CRHBP: variants seen among roughly 807,000 people sequenced by gnomAD.
CRHBP encodes corticotropin-releasing hormone-binding protein.
Under a neutral mutation model 34.9 loss-of-function variants are expected in CRHBP, and 19 were observed. That is an observed-to-expected ratio of 0.55 (90% CI 0.38 to 0.80). The LOEUF is 0.80. Among genes scored for constraint, CRHBP ranks in the 30% least tolerant of loss-of-function variants. The pLI is 0.00. For synonymous variants in CRHBP, 154 were observed against 153.4 expected (o/e 1.00, Z -0.03); for missense variants, 328 against 409.2 (o/e 0.80, Z 1.71).
intron 3 of CRHBP, among the ~76,000 whole-genome samples, chr5:76,980,048 G>C (rs1403276195): frequency 6.6e-6 from 1 of 150,826 alleles, no homozygotes; most frequent in Non-Finnish European, 1.5e-5. Context: ...TCAGGAGATC[G>C]AGACCATCCT....
chr5:76,975,958 G>GTA (rs146423246), intron 2 of CRHBP, among the ~76,000 whole-genome samples: 3,643 of 137,816 alleles, frequency 0.026, 142 homozygotes, highest in African/African-American at 0.091. Flanking sequence ...ATATATGCGT[G>GTA]TATATATATA....
At chr5:76,959,298 T>C (rs1395844887) in intron 5 of CRHBP, among the ~76,000 whole-genome samples, 1 of 152,240 alleles carries the variant, frequency 6.6e-6, no homozygotes, top group Non-Finnish European at 1.5e-5. Flanking sequence ...AAGTATCTCA[T>C]TGACAGAACT....
intron 2 of CRHBP, 150 bp from the exon 3 acceptor site, chr5:76,953,879 G>C: frequency 1.7e-6 from 2 of 1,178,940 alleles, no homozygotes; most frequent in Non-Finnish European, 1.2e-6. Flanking sequence ...GGCGCGCCCG[G>C]GGCGCAGGAA....
At chr5:76,973,352 A>C (rs1745976783), downstream of CRHBP, among the ~76,000 whole-genome samples, 1 of 152,212 alleles carries the variant, frequency 6.6e-6, no homozygotes, top group East Asian at 1.9e-4. Context: ...ACATTCTTTA[A>C]ATAGTCTTAG....
At chr5:76,980,663 A>C (rs1043677785) in intron 3 of CRHBP, among the ~76,000 whole-genome samples, 8 of 152,236 alleles carry the variant, frequency 5.3e-5, no homozygotes, top group Non-Finnish European at 7.3e-5. Flanking sequence ...CATTTAAATC[A>C]GTAGATTTTG....
Position 76,955,809 on chromosome 5 carries a change from C to T in CRHBP, c.490C>T (p.His164Tyr). ...TGTGGCCATGATCTTCTTCCGAGTC[C>T]ATGAACCAGGAAATGGATTCACATT... ...QNVAMIFFRV[H>Y]EPGNGFTLTI... The change falls in exon 4 of 7, where the codon CAT (histidine) becomes TAT (tyrosine). Residue 164 changes from histidine to tyrosine, a missense_variant. Coordinates refer to ENST00000274368, the MANE Select transcript of CRHBP (RefSeq NM_001882.4). 1 of 1,614,178 alleles carries T rather than the reference C, an allele frequency of 6.2e-7. No homozygotes were observed. The highest frequency in any genetic ancestry group is 1.1e-5 in the South Asian group (1 of 91,076).
At chr5:76,972,380 A>T (rs1288458375), downstream of CRHBP, among the ~76,000 whole-genome samples, 1 of 152,022 alleles carries the variant, frequency 6.6e-6, no homozygotes, top group Non-Finnish European at 1.5e-5. Context: ...GGCGCCTGTA[A>T]TCCCAGCTAC....
In CRHBP at chr5:76,978,579, A is replaced by C. The variant is rs144186599; in HGVS notation, n.467+2059A>C. 3.8e-3 allele frequency among the ~76,000 whole-genome samples: 574 copies of C among 152,326 alleles called. 9 individuals are homozygous for C. The highest frequency in any genetic ancestry group is 0.013 in the African/African-American group (549 of 41,576). ...AAATATTACTGCTCATTGACAATGC[A>C]CCTGGTCATCCAAGAGCTCTGAGGG... On this transcript the variant is annotated intron_variant and non_coding_transcript_variant, in intron 3 of 3. Coordinates refer to the CRHBP transcript ENST00000514258.
In CRHBP at chr5:76,963,326, C is replaced by A. The variant is rs1346656940; in HGVS notation, c.694-17C>A. The A allele has an allele frequency of 6.2e-7, 1 of 1,606,656 alleles. No homozygotes were observed. The highest frequency in any genetic ancestry group is 1.3e-5 in the African/African-American group (1 of 74,840). On this transcript the variant is annotated splice_polypyrimidine_tract_variant and intron_variant, in intron 5 of 6. Transcript: ENST00000274368. ...ATTGGTTTAAATGTGTCTTTCTCTGCTGCTTTATTCCCTTAGAAATCCTCA... is the reference window on the plus strand; with the variant it reads ...ATTGGTTTAAATGTGTCTTTCTCTGATGCTTTATTCCCTTAGAAATCCTCA...
intron 2 of CRHBP, among the ~76,000 whole-genome samples, chr5:76,975,508 AG>A (rs1303284788): frequency 6.6e-6 from 1 of 151,918 alleles, no homozygotes; most frequent in African/African-American, 2.4e-5. Flanking sequence ...TGCAATTAAG[AG>A]TATTAGGTCC....
At chr5:76,972,405 C>T (rs1200890713), downstream of CRHBP, among the ~76,000 whole-genome samples, 3 of 151,944 alleles carry the variant, frequency 2.0e-5, no homozygotes, top group African/African-American at 7.3e-5. Context: ...GAAGCTGAGA[C>T]AGGAGAATCG....
At chr5:76,975,849 C>T (rs1198175847) in intron 2 of CRHBP, among the ~76,000 whole-genome samples, 4 of 87,456 alleles carry the variant, frequency 4.6e-5, no homozygotes, top group African/African-American at 1.4e-4. Flanking sequence ...TATATATACA[C>T]GCATATATAT....
chr5:76,953,664 G>T lies in CRHBP; in HGVS notation c.145G>T (p.Ala49Ser). ...LFSANLKREL[A>S]GEQPYRRALR... ...CAGCGCCAACCTGAAGCGGGAGCTG[G>T]CTGGGGAGCAGCCGTACCGCCGCGC... Residue 49 changes from alanine to serine, a missense_variant, in exon 2 of 7, where the codon GCT (alanine) becomes TCT (serine). By Grantham distance (99) the Ala-to-Ser change is moderately conservative (BLOSUM62 1). This residue lies in a region of CRHBP where 173 missense variants were observed against 172.2 expected (regional missense o/e 1.00). Coordinates refer to ENST00000274368, the MANE Select transcript of CRHBP (RefSeq NM_001882.4). The T allele has an allele frequency of 6.2e-7, 1 of 1,609,718 alleles. No individual in the cohort carries two copies.
At chr5:76,955,408 A>G (rs1412831459) in intron 3 of CRHBP, among the ~76,000 whole-genome samples, 1 of 152,230 alleles carries the variant, frequency 6.6e-6, no homozygotes, top group Non-Finnish European at 1.5e-5. Context: ...ATGATAAAGT[A>G]TAAGGAAGTT....
At chr5:76,974,261 C>T (rs1243531923), downstream of CRHBP, among the ~76,000 whole-genome samples, 1 of 151,996 alleles carries the variant, frequency 6.6e-6, no homozygotes, top group Non-Finnish European at 1.5e-5. Context: ...AAATGATCCA[C>T]CCGCCTCAGC....
At position 76,968,973 on chromosome 5, in the gene CRHBP, C is replaced by T; in HGVS notation, c.*88C>T. 6.9e-7 allele frequency: 1 copy of T among 1,455,826 alleles called. No individual in the cohort carries two copies. Among genetic ancestry groups the T allele is most frequent in the Non-Finnish European group, 9.4e-7 (1 of 1,063,494 alleles). 90.2% of individuals were successfully genotyped at this position (1,455,826 alleles called of 1,614,324 possible). A position where few individuals can be genotyped will look rare whatever the true frequency, so the allele number is the denominator to read the frequency against. On this transcript the variant is annotated 3_prime_UTR_variant, in exon 7 of 7. Transcript: ENST00000274368. ...ATTTTGATGCACAACTAGTTAAAAG[C>T]CTTTCATACCAGTCAGTATTCCCAG...
chr5:76,958,729 T>G lies in CRHBP; in HGVS notation c.545-12T>G. On this transcript the variant is annotated splice_polypyrimidine_tract_variant and intron_variant, in intron 4 of 6. Coordinates refer to ENST00000274368, the MANE Select transcript of CRHBP (RefSeq NM_001882.4). ...TAAAGGAAACGTGAATTTCTTTTTC[T>G]TTTCTACAAAGCTTGCAATGTCATT... 2 of 1,597,554 alleles carry G rather than the reference T, an allele frequency of 1.3e-6. No individual in the cohort carries two copies. The highest frequency in any genetic ancestry group is 1.7e-6 in the Non-Finnish European group (2 of 1,175,616).
At position 76,953,047 on chromosome 5, in the gene CRHBP, C is replaced by A; in HGVS notation, c.-88C>A. The A allele has an allele frequency of 7.4e-7, 1 of 1,356,482 alleles. No homozygotes were observed. Among genetic ancestry groups the A allele is most frequent in the Non-Finnish European group, 1.1e-6 (1 of 950,044 alleles). The allele number at this position is 1,356,482 out of a possible 1,614,324, so 84.0% of individuals were successfully genotyped here. A position where few individuals can be genotyped will look rare whatever the true frequency, so the allele number is the denominator to read the frequency against. ...AGACCCAGCAAAGGGACCCTACCAGCTTCTAGCTCTCAGTCTGCGCGAGGG... is the reference window on the plus strand; with the variant it reads ...AGACCCAGCAAAGGGACCCTACCAGATTCTAGCTCTCAGTCTGCGCGAGGG... On this transcript the variant is annotated 5_prime_UTR_variant, in exon 1 of 7. Coordinates refer to ENST00000274368, the MANE Select transcript of CRHBP (RefSeq NM_001882.4).
At chr5:76,966,636 G>T (rs925864316) in intron 6 of CRHBP, among the ~76,000 whole-genome samples, 7 of 152,132 alleles carry the variant, frequency 4.6e-5, no homozygotes, top group African/African-American at 1.7e-4. Flanking sequence ...TGGGAAGTCA[G>T]CACAAATTGG....
Sources: allele counts gnomAD v4.1 joint callset (sites outside exome capture counted in the v4.1 genomes callset), GRCh38; gene constraint gnomAD v4.1.1; regional missense constraint gnomAD v4.1.1; transcripts MANE v1.5; gene names NCBI Gene and HGNC (gene_info 2026-07-23, HGNC 2026-07-21).